The following UGDH variants were observed in gnomAD, a reference collection of about 807,000 sequenced individuals.
The protein encoded by UGDH is UDP-glucose 6-dehydrogenase.
UGDH carries 38 observed loss-of-function variants against 50.6 expected under a neutral mutation model. The ratio of observed to expected loss-of-function variants is 0.75; its 90% CI spans 0.58 to 0.98. The LOEUF (loss-of-function observed/expected upper bound fraction) is 0.98, where lower values mean the gene tolerates loss of function less well. UGDH is among the 50% of genes least tolerant of loss of function. The pLI is 0.00. For synonymous variants in UGDH, 168 were observed against 199.9 expected (o/e 0.84, Z 1.35); for missense variants, 465 against 606.2 (o/e 0.77, Z 2.45).
intron 7 of UGDH, among the ~76,000 whole-genome samples, chr4:39,506,515 T>C (rs1746034627): frequency 6.6e-6 from 1 of 152,088 alleles, no homozygotes; most frequent in Non-Finnish European, 1.5e-5. Flanking sequence ...TCAGTTTCAG[T>C]GGAAAGTGGA....
intron 6 of UGDH, 62 bp from the exon 7 acceptor site, chr4:39,508,722 C>T: frequency 7.1e-7 from 1 of 1,418,220 alleles, no homozygotes; most frequent in Non-Finnish European, 9.6e-7. Context: ...AATCATGTGA[C>T]AAATTTCTTT....
chr4:39,510,436 C>T lies in UGDH; in HGVS notation c.580G>A (p.Ala194Thr), dbSNP rs1443799790. ...ETPEGQRAVQ[A>T]LCAVYEHWVP... is the part of the protein sequence containing the mutation. ...CAGTGCTCATATACAGCACACAGGGCCTGCACAGCTCTCTGGCCCTCTGGA... is the reference window on the plus strand; with the variant it reads ...CAGTGCTCATATACAGCACACAGGGTCTGCACAGCTCTCTGGCCCTCTGGA... Residue 194 changes from alanine to threonine, a missense_variant, in exon 5 of 12, where the codon GCC (alanine) becomes ACC (threonine). Physicochemically the swap from Ala to Thr is moderately conservative, Grantham distance 58 (BLOSUM62 0). Transcript: ENST00000316423. 4 of 1,614,064 alleles carry T rather than the reference C, an allele frequency of 2.5e-6. No individual in the cohort carries two copies. Among genetic ancestry groups the T allele is most frequent in the Non-Finnish European group, 3.4e-6 (4 of 1,180,046 alleles).
intron 11 of UGDH, among the ~76,000 whole-genome samples, chr4:39,501,495 G>A (rs1223568104): frequency 6.6e-6 from 1 of 151,280 alleles, no homozygotes; most frequent in Non-Finnish European, 1.5e-5. Context: ...GGATGGTCTC[G>A]ATCTCCTGAC....
At chr4:39,502,829 C>G (rs886850406) in intron 11 of UGDH, among the ~76,000 whole-genome samples, 2 of 152,162 alleles carry the variant, frequency 1.3e-5, no homozygotes, top group Non-Finnish European at 2.9e-5. Context: ...TCATTACAAC[C>G]TCTGCCTGCT....
intron 6 of UGDH, 72 bp downstream of exon 6, chr4:39,509,688 T>C (rs1746159199): frequency 2.0e-6 from 3 of 1,520,162 alleles, no homozygotes; most frequent in South Asian, 1.3e-5. Flanking sequence ...TATAAAGCGC[T>C]GGTACCAGCA....
At chr4:39,502,187 T>A (rs1745844455) in intron 11 of UGDH, among the ~76,000 whole-genome samples, 1 of 152,224 alleles carries the variant, frequency 6.6e-6, no homozygotes, top group Non-Finnish European at 1.5e-5. Flanking sequence ...CAAATAACCT[T>A]TTAAAAATAA....
intron 11 of UGDH, among the ~76,000 whole-genome samples, chr4:39,503,473 T>C (rs1745906018): frequency 2.0e-5 from 3 of 152,308 alleles, no homozygotes; most frequent in East Asian, 1.9e-4. Context: ...CACCTGCTGA[T>C]TGACCAAGAC....
intron 1 of UGDH, among the ~76,000 whole-genome samples, chr4:39,523,446 A>T (rs1746749266): frequency 6.6e-6 from 1 of 152,180 alleles, no homozygotes; most frequent in Non-Finnish European, 1.5e-5. Flanking sequence ...AATTAAATAG[A>T]ACAGTATTCT....
intron 3 of UGDH, among the ~76,000 whole-genome samples, chr4:39,512,819 ATTTTTT>A (rs386399849): frequency 2.2e-5 from 3 of 135,860 alleles, no homozygotes; most frequent in African/African-American, 2.7e-5. Flanking sequence ...AAGAGACTGA[ATTTTTT>A]TTTTTTTTTT....
intron 2 of UGDH, among the ~76,000 whole-genome samples, chr4:39,517,614 C>T (rs1029595647): frequency 1.3e-5 from 2 of 152,180 alleles, no homozygotes; most frequent in African/African-American, 4.8e-5. Context: ...ATAGAATCTA[C>T]TATTTTCTCA....
intron 2 of UGDH, among the ~76,000 whole-genome samples, chr4:39,520,428 A>C (rs1746600254): frequency 6.6e-6 from 1 of 152,212 alleles, no homozygotes; most frequent in African/African-American, 2.4e-5. Flanking sequence ...TCAAATTTGC[A>C]AATGCTTTTC....
intron 7 of UGDH, among the ~76,000 whole-genome samples, chr4:39,508,230 G>A (rs6814996): frequency 0.22 from 33,371 of 152,016 alleles, 5,762 homozygotes; most frequent in African/African-American, 0.46. Flanking sequence ...TATTATTGCT[G>A]TTACTATTAT....
intron 1 of UGDH, among the ~76,000 whole-genome samples, chr4:39,525,882 TATTAA>T (rs947213737): frequency 9.2e-5 from 14 of 152,220 alleles, no homozygotes; most frequent in African/African-American, 3.1e-4. Flanking sequence ...AGTGTTTCCT[TATTAA>T]ATGGGTTATT....
chr4:39,524,460 C>T (rs1746793992), intron 1 of UGDH, among the ~76,000 whole-genome samples: 1 of 151,932 alleles, frequency 6.6e-6, no homozygotes, highest in Non-Finnish European at 1.5e-5. Flanking sequence ...GTTCAGATTG[C>T]CGATCATAGT....
At chr4:39,521,282 G>T in intron 2 of UGDH, 69 bp downstream of exon 2, 2 of 1,358,884 alleles carry the variant, frequency 1.5e-6, no homozygotes, top group Non-Finnish European at 2.0e-6. Flanking sequence ...TATTAATAGT[G>T]CATATAAATG....
chr4:39,518,085 C>T (rs1746505116), intron 2 of UGDH, among the ~76,000 whole-genome samples: 2 of 152,054 alleles, frequency 1.3e-5, no homozygotes, highest in Admixed American at 1.3e-4. Context: ...TGTGCTACTA[C>T]ACCTGGCTAA....
chr4:39,503,097 A>T (rs1745886996), intron 11 of UGDH, among the ~76,000 whole-genome samples: 1 of 152,036 alleles, frequency 6.6e-6, no homozygotes, highest in African/African-American at 2.4e-5. Context: ...TTGTATTTTT[A>T]GTAGAGATGG....
chr4:39,514,323 T>C (rs1020842333), intron 2 of UGDH, 139 bp from the exon 3 acceptor site: 16 of 701,678 alleles, frequency 2.3e-5, no homozygotes, highest in Non-Finnish European at 3.6e-5. Context: ...ATTACCTTTG[T>C]AGACAAGTTA....
chr4:39,525,583 T>C (rs1373133944), intron 1 of UGDH, among the ~76,000 whole-genome samples: 1 of 150,964 alleles, frequency 6.6e-6, no homozygotes, highest in Non-Finnish European at 1.5e-5. Flanking sequence ...CTCGGCTCAC[T>C]GAAAGCTCTG....
Sources: gnomAD v4.1 joint callset for allele counts (sites outside exome capture counted in the v4.1 genomes callset) on GRCh38, gnomAD v4.1.1 for gene constraint, MANE v1.5 for transcripts, NCBI Gene and HGNC (gene_info 2026-07-23, HGNC 2026-07-21) for gene names.